ZBBX: variants seen among roughly 807,000 people sequenced by gnomAD.
ZBBX encodes zinc finger B-box domain containing.
A neutral mutation model predicts 108.5 loss-of-function variants in ZBBX; 101 were observed. The observed-to-expected ratio is 0.93, with a 90% CI of 0.79 to 1.10. ZBBX has a LOEUF of 1.10. Among genes scored for constraint, ZBBX ranks in the 50% least tolerant of loss-of-function variants. The pLI is 0.00. For synonymous variants in ZBBX, 356 were observed against 323.4 expected (o/e 1.10, Z -1.08); for missense variants, 1,009 against 941.4 (o/e 1.07, Z -0.94).
chr3:167,200,974 A>G, the ZBBX span, among the ~76,000 whole-genome samples: 1 of 152,296 alleles, frequency 6.6e-6, no homozygotes, highest in East Asian at 1.9e-4. Flanking sequence ...CTAAGTAGAG[A>G]GAATAACTTG....
chr3:167,257,009 G>A (rs993780840), intron 20 of ZBBX, among the ~76,000 whole-genome samples: 19 of 152,010 alleles, frequency 1.2e-4, no homozygotes, highest in Non-Finnish European at 2.5e-4. Context: ...TTAATGGGTC[G>A]TATTGTAGCT....
intron 20 of ZBBX, among the ~76,000 whole-genome samples, chr3:167,266,293 C>T (rs779681643): frequency 9.9e-5 from 15 of 152,254 alleles, no homozygotes; most frequent in South Asian, 2.1e-4. Flanking sequence ...AGGGTAATTT[C>T]GTACAGTTTG....
At chr3:167,343,667 T>A (rs528929696) in intron 9 of ZBBX, among the ~76,000 whole-genome samples, 5 of 151,860 alleles carry the variant, frequency 3.3e-5, no homozygotes, top group Admixed American at 6.6e-5. Flanking sequence ...CAAACCACGA[T>A]GTGCTACTGC....
intron 1 of ZBBX, among the ~76,000 whole-genome samples, chr3:167,391,209 T>C (rs542230606): frequency 1.3e-5 from 2 of 152,274 alleles, no homozygotes; most frequent in East Asian, 3.9e-4. Flanking sequence ...TGTTGAATTT[T>C]GTCGAAGGCC....
At chr3:167,317,393 TATTA>T (rs1735643696) in intron 13 of ZBBX, 91 bp downstream of exon 13, 13 of 898,498 alleles carry the variant, frequency 1.4e-5, no homozygotes, top group Non-Finnish European at 1.8e-5. Context: ...GAGAATAATA[TATTA>T]AAGAAAACCA....
chr3:167,259,265 G>A (rs756391498), intron 20 of ZBBX, among the ~76,000 whole-genome samples: 38 of 152,138 alleles, frequency 2.5e-4, no homozygotes, highest in Admixed American at 3.9e-4. Flanking sequence ...GGGTAAAGCT[G>A]TTCTTAGCAG....
chr3:167,326,967 C>T (rs919501510), intron 11 of ZBBX, among the ~76,000 whole-genome samples: 1 of 151,656 alleles, frequency 6.6e-6, no homozygotes, highest in Admixed American at 6.6e-5. Flanking sequence ...TATTATCTAA[C>T]ATTTTATATT....
intron 8 of ZBBX, among the ~76,000 whole-genome samples, chr3:167,356,227 A>G (rs1462116603): frequency 2.0e-5 from 3 of 152,064 alleles, no homozygotes; most frequent in African/African-American, 7.2e-5. Flanking sequence ...TTTGTTTATA[A>G]TTTTTACAAA....
chr3:167,401,851 T>A (rs1182328978), intron 1 of ZBBX, among the ~76,000 whole-genome samples: 2 of 152,204 alleles, frequency 1.3e-5, no homozygotes, highest in Non-Finnish European at 2.9e-5. Context: ...TTGCTCTGGT[T>A]CACACACCTC....
chr3:167,286,093 C>A (rs1430344233), intron 19 of ZBBX, among the ~76,000 whole-genome samples: 1 of 152,046 alleles, frequency 6.6e-6, no homozygotes, highest in Non-Finnish European at 1.5e-5. Context: ...ATGGAGGTAG[C>A]ATCTGGACTG....
In ZBBX at chr3:167,360,731, A is replaced by T. The variant is rs758091699; in HGVS notation, c.274-8T>A. The T allele has an allele frequency of 7.3e-7, 1 of 1,369,084 alleles. No homozygotes were observed. The highest frequency in any genetic ancestry group is 2.8e-5 in the East Asian group (1 of 36,232). 84.8% of individuals were successfully genotyped at this position (1,369,084 alleles called of 1,614,324 possible). On this transcript the variant is annotated splice_region_variant and splice_polypyrimidine_tract_variant and intron_variant, in intron 6 of 21. Coordinates refer to ENST00000675490, the MANE Select transcript of ZBBX (RefSeq NM_001199201.2). ...CACTTTTCCAGCAGAAAACTGTATT[A>T]ATAAAATAGATACTATTTGTCAGGT...
Position 167,266,477 on chromosome 3 carries a change from C to T in ZBBX, c.2254+15761G>A, listed in dbSNP as rs1447271517. 2.0e-5 allele frequency among the ~76,000 whole-genome samples: 3 copies of T among 152,144 alleles called. No homozygotes were observed. In the South Asian group the frequency reaches 6.2e-4, roughly 32 times the overall value. On this transcript the variant is annotated intron_variant, in intron 20 of 21. Coordinates refer to ENST00000675490, the MANE Select transcript of ZBBX (RefSeq NM_001199201.2). ...AACTCACATCTCTTCCCTTGGTTAC[C>T]TGTACCCATTTTTCCCTTGAAACTG...
intron 6 of ZBBX, among the ~76,000 whole-genome samples, chr3:167,362,409 G>T (rs1744663099): frequency 6.6e-6 from 1 of 151,878 alleles, no homozygotes; most frequent in Non-Finnish European, 1.5e-5. Flanking sequence ...AGCCTCCCTG[G>T]CATTCACAAA....
intron 20 of ZBBX, among the ~76,000 whole-genome samples, chr3:167,264,456 T>C (rs1038635953): frequency 2.6e-5 from 4 of 152,220 alleles, no homozygotes; most frequent in African/African-American, 9.6e-5. Flanking sequence ...AACTTAACAC[T>C]GATTACATAA....
chr3:167,372,412 G>A (rs1451102830), intron 4 of ZBBX, among the ~76,000 whole-genome samples: 2 of 152,078 alleles, frequency 1.3e-5, no homozygotes, highest in Admixed American at 1.3e-4. Context: ...AGTCATCTAG[G>A]ACAGACCTCT....
rs77866375 is a variant in ZBBX, at chr3:167,256,442, A to G, written c.2255-13799T>C. 1.0e-4 allele frequency among the ~76,000 whole-genome samples: 15 copies of G among 149,466 alleles called. No individual in the cohort carries two copies. In the East Asian group the frequency reaches 2.9e-3, roughly 29 times the overall value. On this transcript the variant is annotated intron_variant, in intron 20 of 21. Transcript: ENST00000675490. Reference sequence around the variant, plus strand: ...GTATCCATCCCTTCAAGCACTTATTATTTGAGTTACAAATAATCCAATAAC... The same window carrying G: ...GTATCCATCCCTTCAAGCACTTATTGTTTGAGTTACAAATAATCCAATAAC...
At chr3:167,348,667 T>G (rs779931315) in intron 9 of ZBBX, among the ~76,000 whole-genome samples, 4 of 152,096 alleles carry the variant, frequency 2.6e-5, no homozygotes, top group Admixed American at 6.6e-5. Flanking sequence ...AGAGAGAGTC[T>G]GTAGATTGCC....
chr3:167,318,378 A>T (rs1432202810), intron 12 of ZBBX, among the ~76,000 whole-genome samples: 1 of 152,010 alleles, frequency 6.6e-6, no homozygotes, highest in East Asian at 1.9e-4. Flanking sequence ...TTGGTACATT[A>T]AATTTTATTA....
the ZBBX span, among the ~76,000 whole-genome samples, chr3:167,201,740 A>C: frequency 1.3e-5 from 2 of 152,112 alleles, no homozygotes; most frequent in Non-Finnish European, 2.9e-5. Flanking sequence ...GTGTCTCTGC[A>C]TTTTAAATAA....
Sources: gnomAD v4.1 joint callset for allele counts (sites outside exome capture counted in the v4.1 genomes callset) on GRCh38, gnomAD v4.1.1 for gene constraint, MANE v1.5 for transcripts, NCBI Gene and HGNC (gene_info 2026-07-23, HGNC 2026-07-21) for gene names.